FAXC: variants seen among roughly 807,000 people sequenced by gnomAD.
FAXC encodes the protein failed axon connections homolog, metaxin like GST domain containing.
Under a neutral mutation model 41.9 loss-of-function variants are expected in FAXC, and 10 were observed. The ratio of observed to expected loss-of-function variants is 0.24; its 90% CI spans 0.15 to 0.41. FAXC has a LOEUF of 0.41. Among genes scored for constraint, FAXC ranks in the 10% least tolerant of loss-of-function variants. The pLI, the probability that FAXC is intolerant of heterozygous loss-of-function variation, is 1.00. For missense variants in FAXC, 399 were observed against 510.9 expected, an observed-to-expected ratio of 0.78 and a Z score of 2.11; for synonymous variants, 183 against 183.8, an observed-to-expected ratio of 1.00 and a Z score of 0.03.
At chr6:99,324,145 T>C (rs1012876461) in intron 3 of FAXC, among the ~76,000 whole-genome samples, 5 of 152,068 alleles carry the variant, frequency 3.3e-5, no homozygotes, top group African/African-American at 1.2e-4. Flanking sequence ...AAGCTGCACA[T>C]TTGTTTTGTA....
At chr6:99,339,797 G>A (rs1773351755) in intron 2 of FAXC, among the ~76,000 whole-genome samples, 1 of 152,050 alleles carries the variant, frequency 6.6e-6, no homozygotes, top group African/African-American at 2.4e-5. Flanking sequence ...AATTCAAGTA[G>A]AGAGTAGAGA....
chr6:99,284,733 C>T (rs888553615), intron 5 of FAXC, among the ~76,000 whole-genome samples: 1 of 151,894 alleles, frequency 6.6e-6, no homozygotes, highest in Non-Finnish European at 1.5e-5. Flanking sequence ...GCCAACATGG[C>T]GAAACCCCAT....
chr6:99,333,798 G>A (rs9321482), intron 2 of FAXC, among the ~76,000 whole-genome samples: 132,887 of 152,012 alleles, frequency 0.87, 58,548 homozygotes, highest in East Asian at 1. Flanking sequence ...GATGGAAAAG[G>A]AAAAAAAAGA....
intron 2 of FAXC, among the ~76,000 whole-genome samples, chr6:99,338,878 G>T (rs866430352): frequency 6.6e-6 from 1 of 152,150 alleles, no homozygotes. Context: ...CCAGTTACCA[G>T]TTATAAAGAT....
intron 5 of FAXC, among the ~76,000 whole-genome samples, chr6:99,286,880 C>G (rs1007106973): frequency 5.9e-5 from 9 of 152,030 alleles, no homozygotes; most frequent in Non-Finnish European, 1.3e-4. Context: ...AATCAAGGAG[C>G]AAAAATTGGA....
intron 1 of FAXC, 44 bp downstream of exon 1, chr6:99,349,063 T>A: frequency 1.3e-6 from 2 of 1,584,548 alleles, no homozygotes; most frequent in Non-Finnish European, 1.7e-6. Context: ...CCTAGCCAGG[T>A]GCCCCTCTCT....
chr6:99,323,666 T>C lies in FAXC; in HGVS notation c.601A>G (p.Thr201Ala). The change falls in exon 4 of 6, where the codon ACA (threonine) becomes GCA (alanine). Residue 201 changes from threonine (T) to alanine (A), a missense_variant and splice_region_variant. Physicochemically the swap from Thr to Ala is moderately conservative, Grantham distance 58. This residue lies in a region of FAXC where 239 missense variants were observed against 352.7 expected (regional missense o/e 0.68). Transcript: ENST00000389677. ...TKMVEEHFYW[T>A]LAYCQWVDNL... ...TCCACCCACTGGCAATAAGCTAATG[T>C]CCTGGAATTGTGTGGAAACAAGTTA... The C allele has an allele frequency of 6.2e-7, 1 of 1,612,866 alleles. No individual in the cohort carries two copies. The highest frequency in any genetic ancestry group is 8.5e-7 in the Non-Finnish European group (1 of 1,178,880).
rs1562192872 is a variant in FAXC, at chr6:99,349,529, A to ACT, written c.-158_-157insAG. The ACT allele has an allele frequency of 2.7e-5, 8 of 301,400 alleles. No individual in the cohort carries two copies. The highest frequency in any genetic ancestry group is 4.6e-5 in the African/African-American group (2 of 43,468). The allele number at this position is 301,400 out of a possible 1,614,324, so 18.7% of individuals were successfully genotyped here. ...CGGCGGCGACTGAGGAGGCGGCGGC[A>ACT]GAGGAGGAGGAGGAGGAAGGGCACT... On this transcript the variant is annotated 5_prime_UTR_variant, in exon 1 of 6. Transcript: ENST00000389677.
chr6:99,301,196 C>T (rs943681269), intron 4 of FAXC, among the ~76,000 whole-genome samples: 10 of 152,220 alleles, frequency 6.6e-5, no homozygotes, highest in African/African-American at 9.6e-5. Flanking sequence ...AAATTGTGTT[C>T]GACCTTATAT....
In FAXC at chr6:99,276,509, C is replaced by A. The variant is rs1246541842; in HGVS notation, c.*4655G>T. On this transcript the variant is annotated 3_prime_UTR_variant, in exon 6 of 6. Transcript: ENST00000389677. ...CTATGACTTTCAAAATTCCAAACCT[C>A]TAAAACAAAATTTTCTCAAATAACC... The A allele has an allele frequency of 3.9e-5, 6 of 152,218 alleles. No homozygotes were observed. Among genetic ancestry groups the A allele is most frequent in the Admixed American group, 2.0e-4 (3 of 15,286 alleles). 9.4% of individuals were successfully genotyped at this position (152,218 alleles called of 1,614,324 possible).
Position 99,283,680 on chromosome 6 carries a change from C to T in FAXC, c.941-2227G>A, listed in dbSNP as rs117674631. ...CTCCCTTATGGGGACAGTCATGAAA[C>T]GCCTCACCAGGTATTGCTGCCAATC... On this transcript the variant is annotated intron_variant, in intron 5 of 5. Transcript: ENST00000389677. Among the ~76,000 whole-genome samples the T allele has an allele frequency of 6.6e-3, 1,004 of 152,148 alleles. 6 individuals carry two copies. Among genetic ancestry groups the T allele is most frequent in the Non-Finnish European group, 0.011 (771 of 68,014 alleles).
chr6:99,335,961 TA>T (rs1002873029), intron 2 of FAXC, among the ~76,000 whole-genome samples: 3 of 151,352 alleles, frequency 2.0e-5, no homozygotes, highest in Admixed American at 6.6e-5. Context: ...AAAAACATTT[TA>T]AAAAAAAAGA....
chr6:99,279,418 A>G lies in FAXC; in HGVS notation c.*1746T>C, dbSNP rs1018949462. The stretch of plus-strand genomic sequence containing the variant: ...TCCCTTTACCTCTTTGTGAATCTAC[A>G]GCAGTCTTTTAAGATTGTTTTGCAA... On this transcript the variant is annotated 3_prime_UTR_variant, in exon 6 of 6. Coordinates refer to ENST00000389677, the MANE Select transcript of FAXC (RefSeq NM_032511.4). The G allele has an allele frequency of 6.6e-6, 1 of 152,036 alleles. No individual in the cohort carries two copies. The highest frequency in any genetic ancestry group is 2.1e-4 in the South Asian group (1 of 4,824). The allele number at this position is 152,036 out of a possible 1,614,324, so 9.4% of individuals were successfully genotyped here.
At chr6:99,308,158 A>T (rs2128455723) in intron 4 of FAXC, among the ~76,000 whole-genome samples, 1 of 152,288 alleles carries the variant, frequency 6.6e-6, no homozygotes, top group South Asian at 2.1e-4. Flanking sequence ...TTACCCAGGC[A>T]TGGTGGCAGG....
intron 2 of FAXC, among the ~76,000 whole-genome samples, chr6:99,337,219 G>C (rs916041971): frequency 4.6e-5 from 7 of 151,772 alleles, no homozygotes; most frequent in African/African-American, 1.5e-4. Flanking sequence ...AAGGGCATGG[G>C]GGTGTGCACT....
Position 99,307,447 on chromosome 6 carries a change from C to A in FAXC, c.824-15627G>T, listed in dbSNP as rs532639304. 2.6e-5 allele frequency among the ~76,000 whole-genome samples: 4 copies of A among 152,168 alleles called. No individual in the cohort carries two copies. In the East Asian group the frequency reaches 7.7e-4, roughly 29 times the overall value. On this transcript the variant is annotated intron_variant, in intron 4 of 5. Transcript: ENST00000389677. ...ATGAGGTGAGTGAAAGGCTGGGGCA[C>A]CGATGGGGGATACTACGGAGAGAGT... is the stretch of plus-strand genomic sequence containing the variant.
rs184220909 is a variant in FAXC at position 99,331,633 on chromosome 6, T to C, written c.599+1718A>G. Among the ~76,000 whole-genome samples the C allele has an allele frequency of 2.7e-3, 415 of 152,342 alleles. 2 individuals are homozygous for C. Among genetic ancestry groups the C allele is most frequent in the Admixed American group, 6.4e-3 (98 of 15,302 alleles). ...AAAGAGTTGTAGCCAAAGTGACAAC[T>C]AAAATGTATGGCTTTCAGCTTTTCA... On this transcript the variant is annotated intron_variant, in intron 3 of 5. Transcript: ENST00000389677.
intron 5 of FAXC, chr6:99,284,131 A>G (rs557033129): frequency 6.6e-6 from 1 of 152,386 alleles, no homozygotes; most frequent in Non-Finnish European, 1.5e-5. Context: ...TAACCTCGTT[A>G]GTCCTCATGC....
In FAXC at chr6:99,323,544, A is replaced by T. The variant is rs1388437558; in HGVS notation, c.723T>A (p.Ile241=). 6.2e-7 allele frequency: 1 copy of T among 1,614,202 alleles called. No individual in the cohort carries two copies. The highest frequency in any genetic ancestry group is 2.2e-5 in the East Asian group (1 of 44,878). Residue 241 remains isoleucine (I), a synonymous_variant, in exon 4 of 6, where the codon ATT becomes ATA. Coordinates refer to ENST00000389677, the MANE Select transcript of FAXC (RefSeq NM_032511.4). ...RWVVCHITKG[I]VKREMHGHGI... ...CGTGGCCGTGCATCTCGCGTTTCAC[A>T]ATTCCTTTCGTTATGTGGCACACAA...
Sources: allele counts gnomAD v4.1 joint callset (sites outside exome capture counted in the v4.1 genomes callset), GRCh38; gene constraint gnomAD v4.1.1; regional missense constraint gnomAD v4.1.1; transcripts MANE v1.5; gene names NCBI Gene and HGNC (gene_info 2026-07-23, HGNC 2026-07-21).